The following RBMS3 variants were observed in gnomAD, a reference collection of about 807,000 sequenced individuals.
The protein encoded by RBMS3 is RNA binding motif single stranded interacting protein 3.
RBMS3 carries 27 observed loss-of-function variants against 66.8 expected under a neutral mutation model. That is an observed-to-expected ratio of 0.40 (90% CI 0.30 to 0.56). RBMS3 has a LOEUF of 0.56. Among genes scored for constraint, RBMS3 ranks in the 20% least tolerant of loss-of-function variants. The probability of loss-of-function intolerance (pLI) is 0.40; values close to 1 mark genes in which losing one functional copy is unlikely to be tolerated. For synonymous variants in RBMS3, 188 were observed against 183.0 expected (o/e 1.03, Z -0.22); for missense variants, 513 against 549.5 (o/e 0.93, Z 0.66).
intron 5 of RBMS3, among the ~76,000 whole-genome samples, chr3:29,756,512 T>G (rs2055420405): frequency 6.6e-6 from 1 of 151,874 alleles, no homozygotes; most frequent in Non-Finnish European, 1.5e-5. Flanking sequence ...GAACTATCCT[T>G]TATAAAACCA....
intron 8 of RBMS3, among the ~76,000 whole-genome samples, chr3:29,892,467 C>A (rs866240543): frequency 2.6e-5 from 4 of 151,464 alleles, no homozygotes; most frequent in Non-Finnish European, 4.4e-5. Context: ...TAGCTCCCCC[C>A]TCTCCTCCAG....
At chr3:29,567,676 G>A (rs1036586228) in intron 3 of RBMS3, among the ~76,000 whole-genome samples, 1 of 143,276 alleles carries the variant, frequency 7.0e-6, no homozygotes, top group East Asian at 2.1e-4. Context: ...TTGTTATGAG[G>A]AGAACTGTGT....
chr3:29,814,633 C>G (rs1294627364), intron 6 of RBMS3, among the ~76,000 whole-genome samples: 1 of 152,164 alleles, frequency 6.6e-6, no homozygotes, highest in Admixed American at 6.5e-5. Flanking sequence ...GGTTGGTAAG[C>G]TACTGATTAT....
Position 29,434,736 on chromosome 3 carries a change from T to G in RBMS3, c.76-7T>G. On this transcript the variant is annotated splice_region_variant and splice_polypyrimidine_tract_variant and intron_variant, in intron 1 of 14. Coordinates refer to ENST00000383767, the MANE Select transcript of RBMS3 (RefSeq NM_001003793.3). Reference sequence around the variant, plus strand: ...GTTTTTCCAGTAACAGCTTTTTCTGTTTCCAGCAGTCCTATGCACCAGCTC... The same window carrying G: ...GTTTTTCCAGTAACAGCTTTTTCTGGTTCCAGCAGTCCTATGCACCAGCTC... The G allele has an allele frequency of 6.2e-7, 1 of 1,607,298 alleles. No individual in the cohort carries two copies. The highest frequency in any genetic ancestry group is 8.5e-7 in the Non-Finnish European group (1 of 1,176,690).
chr3:29,459,057 G>A (rs1057195505), intron 2 of RBMS3, among the ~76,000 whole-genome samples: 3 of 152,164 alleles, frequency 2.0e-5, no homozygotes, highest in Admixed American at 6.5e-5. Flanking sequence ...AGGTTAATCT[G>A]ACTGTCTGCT....
chr3:29,284,343 G>A (rs918855491), intron 1 of RBMS3, among the ~76,000 whole-genome samples: 1 of 151,938 alleles, frequency 6.6e-6, no homozygotes, highest in Non-Finnish European at 1.5e-5. Flanking sequence ...CAATCCACAA[G>A]GGCTATTTAC....
At chr3:29,887,264 GAAGA>G (rs1337141061) in intron 8 of RBMS3, among the ~76,000 whole-genome samples, 1 of 151,776 alleles carries the variant, frequency 6.6e-6, no homozygotes, top group Non-Finnish European at 1.5e-5. Flanking sequence ...GAAATAAAGT[GAAGA>G]AAGATGATGA....
At chr3:29,995,329 G>A (rs938023513) in intron 14 of RBMS3, among the ~76,000 whole-genome samples, 1 of 152,170 alleles carries the variant, frequency 6.6e-6, no homozygotes, top group African/African-American at 2.4e-5. Context: ...AACCAAGTTG[G>A]AAAACACTCT....
chr3:29,810,475 G>A (rs775668740), intron 6 of RBMS3, among the ~76,000 whole-genome samples: 3 of 152,036 alleles, frequency 2.0e-5, no homozygotes, highest in East Asian at 1.9e-4. Flanking sequence ...ATAAACACAC[G>A]TACACATATG....
At chr3:29,651,908 A>G (rs972321487) in intron 4 of RBMS3, among the ~76,000 whole-genome samples, 12 of 143,644 alleles carry the variant, frequency 8.4e-5, no homozygotes, top group Non-Finnish European at 1.8e-4. Flanking sequence ...CACTTACCAT[A>G]CTTATATTTT....
intron 10 of RBMS3, among the ~76,000 whole-genome samples, chr3:29,915,092 G>T (rs2060605871): frequency 6.6e-6 from 1 of 151,492 alleles, no homozygotes; most frequent in Non-Finnish European, 1.5e-5. Context: ...TGAATGCAGG[G>T]ATTTATAAAC....
At chr3:29,594,620 AT>A (rs2047878715) in intron 4 of RBMS3, among the ~76,000 whole-genome samples, 1 of 152,166 alleles carries the variant, frequency 6.6e-6, no homozygotes, top group Non-Finnish European at 1.5e-5. Context: ...ATGATTGAAA[AT>A]TTTAAAATTT....
At chr3:29,690,136 A>G (rs1269129650) in intron 4 of RBMS3, among the ~76,000 whole-genome samples, 1 of 151,878 alleles carries the variant, frequency 6.6e-6, no homozygotes, top group African/African-American at 2.4e-5. Flanking sequence ...AGATCAATAG[A>G]GATTTTTGAG....
chr3:29,890,679 T>C (rs1040479361), intron 8 of RBMS3, among the ~76,000 whole-genome samples: 1 of 151,568 alleles, frequency 6.6e-6, no homozygotes, highest in Non-Finnish European at 1.5e-5. Flanking sequence ...TAATAGGAGA[T>C]AGAATACAAA....
chr3:29,472,891 T>C (rs2042789445), intron 2 of RBMS3, among the ~76,000 whole-genome samples: 1 of 152,068 alleles, frequency 6.6e-6, no homozygotes, highest in Admixed American at 6.6e-5. Flanking sequence ...ACAGTCTGCT[T>C]TTATTCTCTT....
chr3:29,412,023 T>C (rs1256676953), intron 1 of RBMS3, among the ~76,000 whole-genome samples: 1 of 152,252 alleles, frequency 6.6e-6, no homozygotes, highest in African/African-American at 2.4e-5. Context: ...GATAGTCAAA[T>C]ATTTTTAAAA....
intron 6 of RBMS3, among the ~76,000 whole-genome samples, chr3:29,835,925 T>C (rs1378498125): frequency 6.6e-6 from 1 of 150,936 alleles, no homozygotes; most frequent in Non-Finnish European, 1.5e-5. Flanking sequence ...TGATCAGAAA[T>C]AAAAGAGGAG....
At chr3:29,999,443 G>T (rs953582428) in intron 14 of RBMS3, among the ~76,000 whole-genome samples, 5 of 152,122 alleles carry the variant, frequency 3.3e-5, no homozygotes, top group Non-Finnish European at 2.9e-5. Flanking sequence ...AAATCATGCT[G>T]CTATAAAGGC....
chr3:29,631,425 G>A (rs72846021), intron 4 of RBMS3, among the ~76,000 whole-genome samples: 2,047 of 151,866 alleles, frequency 0.013, 48 homozygotes, highest in African/African-American at 0.047. Context: ...AAATATTCTT[G>A]AGTCATCTGA....
Sources: allele counts gnomAD v4.1 joint callset (sites outside exome capture counted in the v4.1 genomes callset), GRCh38; gene constraint gnomAD v4.1.1; transcripts MANE v1.5; gene names NCBI Gene and HGNC (gene_info 2026-07-23, HGNC 2026-07-21).